FARS2: variants seen among roughly 807,000 people sequenced by gnomAD.
The protein encoded by FARS2 is phenylalanyl-tRNA synthetase 2, mitochondrial.
A neutral mutation model predicts 46.4 loss-of-function variants in FARS2; 40 were observed. That is an observed-to-expected ratio of 0.86 (90% CI 0.67 to 1.12). The LOEUF is 1.12. Ranked by LOEUF, FARS2 falls within the 50% of genes most tolerant of loss-of-function variation. The pLI, the probability that FARS2 is intolerant of heterozygous loss-of-function variation, is 0.00. For synonymous variants in FARS2, 234 were observed against 214.9 expected (o/e 1.09, Z -0.78); for missense variants, 513 against 567.9 (o/e 0.90, Z 0.98).
chr6:5,337,067 CT>C (rs149761965), intron 1 of FARS2, among the ~76,000 whole-genome samples: 117 of 141,564 alleles, frequency 8.3e-4, no homozygotes, highest in Middle Eastern at 3.8e-3. Flanking sequence ...AATATCACTT[CT>C]TTTTTTTTTT....
chr6:5,709,697 T>TGGGCGC lies in FARS2; in HGVS notation c.1218-61593_1218-61592insGGCGCG, dbSNP rs148741094. Among the ~76,000 whole-genome samples the TGGGCGC allele has an allele frequency of 8.7e-3, 793 of 91,524 alleles. 60 individuals carry two copies. The highest frequency in any genetic ancestry group is 0.067 in the Admixed American group (704 of 10,512). 60.0% of individuals were successfully genotyped at this position (91,524 alleles called of 152,430 possible). ...GTGTGTGTGTGTGTGTGTGTGTGTG[T>TGGGCGC]GCGCATGCACGTGCATGTTGGGGGG... On this transcript the variant is annotated intron_variant, in intron 6 of 6. Coordinates refer to ENST00000274680, the MANE Select transcript of FARS2 (RefSeq NM_006567.5).
intron 4 of FARS2, among the ~76,000 whole-genome samples, chr6:5,470,582 T>C: frequency 6.6e-6 from 1 of 152,316 alleles, no homozygotes; most frequent in Admixed American, 6.5e-5. Flanking sequence ...CCTCTGTAAT[T>C]TTTTATTAGA....
rs185313869 is a variant in FARS2 at position 5,640,758 on chromosome 6, C to T, written c.1217+27438C>T. ...TACCACATAGTTCAACTGCATATAG[C>T]CAATCACTAATCAATGCTATTTCTG... On this transcript the variant is annotated intron_variant, in intron 6 of 6. Coordinates refer to ENST00000274680, the MANE Select transcript of FARS2 (RefSeq NM_006567.5). Among the ~76,000 whole-genome samples, 202 of 152,332 alleles carry T rather than the reference C, an allele frequency of 1.3e-3. 2 individuals are homozygous for T. The highest frequency in any genetic ancestry group is 0.012 in the South Asian group (59 of 4,824).
chr6:5,691,626 C>A (rs1389451683), intron 6 of FARS2, among the ~76,000 whole-genome samples: 1 of 152,194 alleles, frequency 6.6e-6, no homozygotes, highest in African/African-American at 2.4e-5. Context: ...AGTTAGGCTA[C>A]TCAGGGGTCA....
At position 5,423,741 on chromosome 6, in the gene FARS2, A is replaced by G. The variant is rs116185453; in HGVS notation, c.773-7300A>G. ...TAGGAATGGTTTTATTCCACTTGGC[A>G]CTCTGCAGCGCTGGACTCCAGGGTA... On this transcript the variant is annotated intron_variant, in intron 3 of 6. Coordinates refer to ENST00000274680, the MANE Select transcript of FARS2 (RefSeq NM_006567.5). Among the ~76,000 whole-genome samples, 777 of 152,022 alleles carry G rather than the reference A, an allele frequency of 5.1e-3. 2 individuals carry two copies. Among genetic ancestry groups the G allele is most frequent in the Non-Finnish European group, 8.2e-3 (555 of 67,984 alleles).
intron 6 of FARS2, among the ~76,000 whole-genome samples, chr6:5,673,021 T>A (rs1778559501): frequency 5.9e-5 from 9 of 152,162 alleles, no homozygotes; most frequent in Admixed American, 5.9e-4. Flanking sequence ...GAAGGGAATT[T>A]ATCTCCTCTG....
At chr6:5,477,262 G>C (rs1448245214) in intron 4 of FARS2, among the ~76,000 whole-genome samples, 1 of 152,226 alleles carries the variant, frequency 6.6e-6, no homozygotes. Context: ...AGAATACTTA[G>C]ATGGTCAGAG....
chr6:5,315,835 G>A (rs1769482201), intron 1 of FARS2, among the ~76,000 whole-genome samples: 1 of 151,982 alleles, frequency 6.6e-6, no homozygotes, highest in Non-Finnish European at 1.5e-5. Context: ...ATAAATGCAT[G>A]TTCAGAGGCA....
intron 5 of FARS2, among the ~76,000 whole-genome samples, chr6:5,551,745 T>A (rs1771384816): frequency 6.6e-6 from 1 of 152,182 alleles, no homozygotes; most frequent in Non-Finnish European, 1.5e-5. Flanking sequence ...TGGGGGAGAA[T>A]CTGTTCCCTT....
chr6:5,275,617 C>T (rs905700944), intron 1 of FARS2, among the ~76,000 whole-genome samples: 8 of 152,140 alleles, frequency 5.3e-5, no homozygotes, highest in Non-Finnish European at 1.2e-4. Flanking sequence ...CTTTCATCCT[C>T]CTGCCCTGTC....
chr6:5,612,019 C>T (rs1775216075), intron 5 of FARS2, among the ~76,000 whole-genome samples: 1 of 152,198 alleles, frequency 6.6e-6, no homozygotes, highest in African/African-American at 2.4e-5. Context: ...ACTCATGGGT[C>T]ATTTGTCACA....
At chr6:5,552,173 CTATT>C (rs1021928548) in intron 5 of FARS2, among the ~76,000 whole-genome samples, 3 of 152,032 alleles carry the variant, frequency 2.0e-5, no homozygotes, top group Non-Finnish European at 2.9e-5. Flanking sequence ...CCATTTTTAA[CTATT>C]TATGTAGAGT....
At chr6:5,695,616 C>A (rs771229963) in intron 6 of FARS2, among the ~76,000 whole-genome samples, 2 of 152,206 alleles carry the variant, frequency 1.3e-5, no homozygotes, top group Non-Finnish European at 2.9e-5. Flanking sequence ...GGATGAGTAA[C>A]TTGTAGAAGG....
At chr6:5,501,354 G>T (rs1710126539) in intron 4 of FARS2, among the ~76,000 whole-genome samples, 1 of 152,100 alleles carries the variant, frequency 6.6e-6, no homozygotes, top group African/African-American at 2.4e-5. Context: ...TCTTAGCTGT[G>T]TTAATTACAT....
intron 1 of FARS2, among the ~76,000 whole-genome samples, chr6:5,265,928 T>C (rs893138379): frequency 2.0e-5 from 3 of 152,186 alleles, no homozygotes; most frequent in African/African-American, 7.2e-5. Flanking sequence ...TAATTTTGTT[T>C]AATTTTTTTT....
chr6:5,653,880 G>A (rs1329382831), intron 6 of FARS2, among the ~76,000 whole-genome samples: 2 of 152,114 alleles, frequency 1.3e-5, no homozygotes, highest in Admixed American at 1.3e-4. Flanking sequence ...AGAGGATAGT[G>A]GAGAAGGGCA....
chr6:5,259,121 A>G (rs1357456158), upstream of FARS2, among the ~76,000 whole-genome samples: 1 of 152,192 alleles, frequency 6.6e-6, no homozygotes, highest in Non-Finnish European at 1.5e-5. Flanking sequence ...ACTTTCTTAC[A>G]TGCTCTCACA....
rs1038655141 is a variant in FARS2, at chr6:5,311,965, C to T, written c.-22+50305C>T. ...GTGTAAGTTAGTTTAAATAACTTTC[C>T]GTGCATCGTAGAATCTTCGGTGTGT... is the stretch of plus-strand genomic sequence containing the variant. On this transcript the variant is annotated intron_variant, in intron 1 of 6. Coordinates refer to ENST00000274680, the MANE Select transcript of FARS2 (RefSeq NM_006567.5). This position sits in a 1 kb window ranked among gnomAD's most constrained non-coding sequence, Gnocchi z 4.1. Among the ~76,000 whole-genome samples the T allele has an allele frequency of 1.3e-5, 2 of 152,164 alleles. No homozygotes were observed. The highest frequency in any genetic ancestry group is 1.9e-4 in the East Asian group (1 of 5,182).
chr6:5,433,467 A>C (rs1763345682), intron 4 of FARS2, among the ~76,000 whole-genome samples: 2 of 152,202 alleles, frequency 1.3e-5, no homozygotes, highest in Admixed American at 1.3e-4. Flanking sequence ...TTTCTAACCA[A>C]GTGTAATTTG....
Sources: gnomAD v4.1 joint callset for allele counts (sites outside exome capture counted in the v4.1 genomes callset) on GRCh38, gnomAD v4.1.1 for gene constraint, Gnocchi (gnomAD v3.1) non-coding constraint, MANE v1.5 for transcripts, NCBI Gene and HGNC (gene_info 2026-07-23, HGNC 2026-07-21) for gene names.